The following NXPH1 variants were observed in gnomAD, a reference collection of about 807,000 sequenced individuals.
The protein encoded by NXPH1 is neurexophilin-1.
In NXPH1, 5 loss-of-function variants were observed where a neutral mutation model predicts 23.7. The observed-to-expected ratio is 0.21, with a 90% CI of 0.11 to 0.44. NXPH1 has a LOEUF of 0.44. Among genes scored for constraint, NXPH1 ranks in the 20% least tolerant of loss-of-function variants. The pLI is 0.99. For synonymous variants in NXPH1, 144 were observed against 122.2 expected, an observed-to-expected ratio of 1.18 and a Z score of -1.18; for missense variants, 324 against 321.6, an observed-to-expected ratio of 1.01 and a Z score of -0.06.
At chr7:8,620,483 C>T (rs575582058) in intron 2 of NXPH1, among the ~76,000 whole-genome samples, 4 of 152,272 alleles carry the variant, frequency 2.6e-5, no homozygotes, top group African/African-American at 9.6e-5. Flanking sequence ...CCAACCAGAT[C>T]TCATGAGACT....
intron 2 of NXPH1, among the ~76,000 whole-genome samples, chr7:8,712,359 A>G (rs748049552): frequency 2.6e-5 from 4 of 152,198 alleles, no homozygotes; most frequent in Non-Finnish European, 5.9e-5. Flanking sequence ...ACCTATCCTG[A>G]TCTCACCAGA....
chr7:8,621,316 A>G (rs535186512), intron 2 of NXPH1, among the ~76,000 whole-genome samples: 56 of 152,252 alleles, frequency 3.7e-4, no homozygotes, highest in Non-Finnish European at 7.4e-4. Context: ...AGACTCAGAC[A>G]GGAAAGAATG....
Position 8,435,487 on chromosome 7 carries a change from C to T in NXPH1, c.-110-117C>T, listed in dbSNP as rs1385789381. ...TACTCGCTTTTCAATTTTTCGTACCCTCCCTCCCTTTTTTTTTTGGTCCCC... is the reference window on the plus strand; with the variant it reads ...TACTCGCTTTTCAATTTTTCGTACCTTCCCTCCCTTTTTTTTTTGGTCCCC... On this transcript the variant is annotated intron_variant, in intron 1 of 2. Coordinates refer to ENST00000405863, the MANE Select transcript of NXPH1 (RefSeq NM_152745.3). This position sits in a 1 kb window ranked among gnomAD's most constrained non-coding sequence, Gnocchi z 5.9. 1 of 577,600 alleles carries T rather than the reference C, an allele frequency of 1.7e-6. No homozygotes were observed. The highest frequency in any genetic ancestry group is 3.1e-6 in the Non-Finnish European group (1 of 324,278). The allele number at this position is 577,600 out of a possible 1,614,324, so 35.8% of individuals were successfully genotyped here.
intron 2 of NXPH1, among the ~76,000 whole-genome samples, chr7:8,718,892 C>T (rs1006012047): frequency 2.6e-5 from 4 of 152,224 alleles, no homozygotes; most frequent in African/African-American, 9.6e-5. Context: ...CTACAGCTTT[C>T]TACCTAACTG....
At chr7:8,565,837 G>A (rs926017451) in intron 2 of NXPH1, among the ~76,000 whole-genome samples, 3 of 151,628 alleles carry the variant, frequency 2.0e-5, no homozygotes, top group African/African-American at 7.3e-5. Flanking sequence ...TATGATTCCT[G>A]GTGAATTTTA....
chr7:8,571,744 A>G (rs573907263), intron 2 of NXPH1, among the ~76,000 whole-genome samples: 3 of 152,068 alleles, frequency 2.0e-5, no homozygotes, highest in Admixed American at 2.0e-4. Context: ...ATGCATAAAA[A>G]TAAAACCGTA....
rs1379797615 is a variant in NXPH1 at position 8,435,616 on chromosome 7, G to C, written c.-98G>C. ...TATTTGCATCTAGGCTGCTGAGAGC[G>C]CTCCTTGCTCTGTAAAGTGGATGTC... On this transcript the variant is annotated 5_prime_UTR_variant, in exon 2 of 3. Transcript: ENST00000405863. The surrounding 1 kb of genome is among the most constrained non-coding windows in gnomAD (Gnocchi z 5.9). The C allele has an allele frequency of 3.7e-6, 4 of 1,089,818 alleles. No individual in the cohort carries two copies. The highest frequency in any genetic ancestry group is 4.0e-4 in the Middle Eastern group (2 of 5,022). 67.5% of individuals were successfully genotyped at this position (1,089,818 alleles called of 1,614,324 possible).
chr7:8,751,780 G>T lies in NXPH1; in HGVS notation c.*11G>T. On this transcript the variant is annotated 3_prime_UTR_variant, in exon 3 of 3. Coordinates refer to ENST00000405863, the MANE Select transcript of NXPH1 (RefSeq NM_152745.3). This position sits in a 1 kb window ranked among gnomAD's most constrained non-coding sequence, Gnocchi z 4.5. Reference sequence around the variant, plus strand: ...TTTCCCTCGGGATGAAGGTGAACATGGGGGTGAGACTGAAGCCTGAGGAAT... The same window carrying T: ...TTTCCCTCGGGATGAAGGTGAACATTGGGGTGAGACTGAAGCCTGAGGAAT... 1 of 1,600,274 alleles carries T rather than the reference G, an allele frequency of 6.2e-7. No individual in the cohort carries two copies. Among genetic ancestry groups the T allele is most frequent in the Non-Finnish European group, 8.5e-7 (1 of 1,173,932 alleles).
chr7:8,601,965 C>T (rs1819372220), intron 2 of NXPH1, among the ~76,000 whole-genome samples: 1 of 152,172 alleles, frequency 6.6e-6, no homozygotes, highest in East Asian at 1.9e-4. Flanking sequence ...AAGTTAAATA[C>T]TTTTATGACT....
chr7:8,554,784 C>G (rs140848054), intron 2 of NXPH1, among the ~76,000 whole-genome samples: 58 of 151,784 alleles, frequency 3.8e-4, no homozygotes, highest in African/African-American at 1.3e-3. Context: ...TTCACCAGAA[C>G]AGTTACGTTT....
chr7:8,632,504 G>C (rs1218871111), intron 2 of NXPH1, among the ~76,000 whole-genome samples: 1 of 152,134 alleles, frequency 6.6e-6, no homozygotes, highest in African/African-American at 2.4e-5. Flanking sequence ...GTCACTTTAA[G>C]GGTTATCCTT....
At chr7:8,512,032 C>G (rs566139603) in intron 2 of NXPH1, among the ~76,000 whole-genome samples, 1 of 152,082 alleles carries the variant, frequency 6.6e-6, no homozygotes, top group African/African-American at 2.4e-5. Context: ...TGCCAAAGCT[C>G]AAGATGCATA....
intron 2 of NXPH1, among the ~76,000 whole-genome samples, chr7:8,446,333 C>G (rs766318687): frequency 1.3e-5 from 2 of 152,130 alleles, no homozygotes; most frequent in Admixed American, 6.5e-5. Context: ...AAGGTAACAT[C>G]TAAGTACATA....
At position 8,557,769 on chromosome 7, in the gene NXPH1, G is replaced by A. The variant is rs191745976; in HGVS notation, c.54+122002G>A. ...ATCTCTCACATCACTCATATACAGC[G>A]ACATAAACTGCTCAGCTCACTTTTC... is the stretch of plus-strand genomic sequence containing the variant. On this transcript the variant is annotated intron_variant, in intron 2 of 2. Coordinates refer to ENST00000405863, the MANE Select transcript of NXPH1 (RefSeq NM_152745.3). Among the ~76,000 whole-genome samples, 14 of 151,690 alleles carry A rather than the reference G, an allele frequency of 9.2e-5. No homozygotes were observed. The East Asian group carries it at 2.7e-3, about 30-fold the overall frequency.
chr7:8,533,090 C>T (rs891135284), intron 2 of NXPH1, among the ~76,000 whole-genome samples: 4 of 152,058 alleles, frequency 2.6e-5, no homozygotes, highest in African/African-American at 9.7e-5. Flanking sequence ...AGAAAACAGG[C>T]ACAGAGAAAT....
In NXPH1 at chr7:8,578,075, A is replaced by G. The variant is rs570096037; in HGVS notation, c.54+142308A>G. Among the ~76,000 whole-genome samples, 58 of 152,236 alleles carry G rather than the reference A, an allele frequency of 3.8e-4. 1 individual carries two copies. Among genetic ancestry groups the G allele is most frequent in the African/African-American group, 1.3e-3 (55 of 41,536 alleles). On this transcript the variant is annotated intron_variant, in intron 2 of 2. Coordinates refer to ENST00000405863, the MANE Select transcript of NXPH1 (RefSeq NM_152745.3). ...CCATCAAAACGTTGAAAGATAATCA[A>G]TGTTTCTTATTGTTTTAAGCCACTA...
At chr7:8,523,708 G>A (rs370013000) in intron 2 of NXPH1, among the ~76,000 whole-genome samples, 2 of 152,142 alleles carry the variant, frequency 1.3e-5, no homozygotes, top group African/African-American at 4.8e-5. Flanking sequence ...ACAAACATTT[G>A]TTCCATGAGT....
intron 2 of NXPH1, among the ~76,000 whole-genome samples, chr7:8,530,104 A>C (rs1817927043): frequency 6.6e-6 from 1 of 152,160 alleles, no homozygotes; most frequent in Non-Finnish European, 1.5e-5. Flanking sequence ...GAGGCCCAGG[A>C]CACTTACCAC....
At chr7:8,484,310 A>G (rs956639028) in intron 2 of NXPH1, among the ~76,000 whole-genome samples, 1 of 152,002 alleles carries the variant, frequency 6.6e-6, no homozygotes, top group East Asian at 1.9e-4. Flanking sequence ...GCACCATAAC[A>G]TAGCTTGCTT....
Sources: allele counts gnomAD v4.1 joint callset (sites outside exome capture counted in the v4.1 genomes callset), GRCh38; gene constraint gnomAD v4.1.1; non-coding constraint Gnocchi (gnomAD v3.1); transcripts MANE v1.5; gene names NCBI Gene and HGNC (gene_info 2026-07-23, HGNC 2026-07-21).